Variants in HS6ST3 observed in about 807,000 individuals in gnomAD.
HS6ST3 encodes heparan sulfate 6-O-sulfotransferase 3, also known as heparan-sulfate 6-O-sulfotransferase 3.
In HS6ST3, 12 loss-of-function variants were observed where a neutral mutation model predicts 36.7. That is an observed-to-expected ratio of 0.33 (90% confidence interval 0.21 to 0.53). The LOEUF (loss-of-function observed/expected upper bound fraction) is 0.53. Among genes scored for constraint, HS6ST3 ranks in the 20% least tolerant of loss-of-function variants. The pLI, the probability that HS6ST3 is intolerant of heterozygous loss-of-function variation, is 0.95. For synonymous variants in HS6ST3, 240 were observed against 257.5 expected (o/e 0.93, Z 0.65); for missense variants, 584 against 640.9 (o/e 0.91, Z 0.96).
At chr13:96,586,223 T>A (rs113329944) in intron 1 of HS6ST3, among the ~76,000 whole-genome samples, 8 of 152,156 alleles carry the variant, frequency 5.3e-5, no homozygotes, top group Non-Finnish European at 1.0e-4. Context: ...TAAAAAGATA[T>A]CTTATTATGG....
intron 1 of HS6ST3, among the ~76,000 whole-genome samples, chr13:96,516,427 T>G (rs1413890461): frequency 6.6e-6 from 1 of 152,184 alleles, no homozygotes; most frequent in Non-Finnish European, 1.5e-5. Flanking sequence ...CATCTCTATA[T>G]TCACACATAT....
At position 96,839,007 on chromosome 13, in the gene HS6ST3, A is replaced by G. The variant is rs1442658529; in HGVS notation, c.*5809A>G. Reference sequence around the variant, plus strand: ...CCAAGATGTCTGTGGAAAGGATTGCAACTGTCATCCTTTGGCACACTCAGT... The same window carrying G: ...CCAAGATGTCTGTGGAAAGGATTGCGACTGTCATCCTTTGGCACACTCAGT... On this transcript the variant is annotated 3_prime_UTR_variant, in exon 2 of 2. Transcript: ENST00000376705. 1 of 152,216 alleles carries G rather than the reference A, an allele frequency of 6.6e-6. No homozygotes were observed. The highest frequency in any genetic ancestry group is 6.5e-5 in the Admixed American group (1 of 15,286). 9.4% of individuals were successfully genotyped at this position (152,216 alleles called of 1,614,324 possible).
At position 96,837,502 on chromosome 13, in the gene HS6ST3, C is replaced by G. The variant is rs1310521913; in HGVS notation, c.*4304C>G. 6.6e-6 allele frequency: 1 copy of G among 152,190 alleles called. No individual in the cohort carries two copies. Among genetic ancestry groups the G allele is most frequent in the Non-Finnish European group, 1.5e-5 (1 of 68,046 alleles). 9.4% of individuals were successfully genotyped at this position (152,190 alleles called of 1,614,324 possible). A position where few individuals can be genotyped will look rare whatever the true frequency, so the allele number is the denominator to read the frequency against. ...TCATAGTCTTTCCGACTACTTTATG[C>G]AGCTCAGCATCAGTACTGGGATTGG... On this transcript the variant is annotated 3_prime_UTR_variant, in exon 2 of 2. Coordinates refer to ENST00000376705, the MANE Select transcript of HS6ST3 (RefSeq NM_153456.4).
intron 1 of HS6ST3, among the ~76,000 whole-genome samples, chr13:96,676,806 C>G (rs912944859): frequency 6.6e-6 from 1 of 152,148 alleles, no homozygotes; most frequent in African/African-American, 2.4e-5. Context: ...TCTGTAAGAT[C>G]CATTACTCTG....
chr13:96,234,219 G>T (rs1181677653), intron 1 of HS6ST3, among the ~76,000 whole-genome samples: 2 of 151,928 alleles, frequency 1.3e-5, no homozygotes, highest in East Asian at 1.9e-4. Flanking sequence ...AGACCAGCCT[G>T]GCCAACATGG....
chr13:96,503,316 G>A (rs2056013024), intron 1 of HS6ST3, among the ~76,000 whole-genome samples: 1 of 152,138 alleles, frequency 6.6e-6, no homozygotes, highest in Non-Finnish European at 1.5e-5. Flanking sequence ...ACCCATTGGT[G>A]AGCAACTGCC....
At chr13:96,420,278 A>G (rs555369618) in intron 1 of HS6ST3, among the ~76,000 whole-genome samples, 8 of 152,110 alleles carry the variant, frequency 5.3e-5, no homozygotes, top group Non-Finnish European at 1.0e-4. Flanking sequence ...ACATCTTTGA[A>G]GAAAAAAAGT....
chr13:96,829,923 C>A (rs1878738454), intron 1 of HS6ST3, among the ~76,000 whole-genome samples: 1 of 152,056 alleles, frequency 6.6e-6, no homozygotes, highest in South Asian at 2.1e-4. Context: ...AATCAGACAT[C>A]CTTTGATTTA....
chr13:96,500,301 A>T (rs2055997833), intron 1 of HS6ST3, among the ~76,000 whole-genome samples: 1 of 152,096 alleles, frequency 6.6e-6, no homozygotes, highest in African/African-American at 2.4e-5. Context: ...TGTGGTAAGG[A>T]TATACCATAA....
intron 1 of HS6ST3, among the ~76,000 whole-genome samples, chr13:96,685,413 T>C (rs1183865362): frequency 1.3e-5 from 2 of 152,114 alleles, no homozygotes; most frequent in Non-Finnish European, 2.9e-5. Context: ...TGTATTGTAT[T>C]TTGTTGCTTT....
chr13:96,558,170 T>C (rs1316829075), intron 1 of HS6ST3, among the ~76,000 whole-genome samples: 1 of 152,218 alleles, frequency 6.6e-6, no homozygotes, highest in Non-Finnish European at 1.5e-5. Flanking sequence ...AATAAATGTG[T>C]CATCCAAACA....
At chr13:96,286,431 C>T (rs981244444) in intron 1 of HS6ST3, among the ~76,000 whole-genome samples, 16 of 152,066 alleles carry the variant, frequency 1.1e-4, no homozygotes, top group African/African-American at 3.9e-4. Flanking sequence ...TAATGTTTAA[C>T]ATCCTGTAAA....
At chr13:96,724,523 G>T (rs1875950129) in intron 1 of HS6ST3, among the ~76,000 whole-genome samples, 1 of 152,026 alleles carries the variant, frequency 6.6e-6, no homozygotes, top group African/African-American at 2.4e-5. Flanking sequence ...TCTTCTGTTG[G>T]CTCCCCACTC....
At chr13:96,245,204 C>T (rs1371534940) in intron 1 of HS6ST3, among the ~76,000 whole-genome samples, 1 of 152,102 alleles carries the variant, frequency 6.6e-6, no homozygotes, top group Non-Finnish European at 1.5e-5. Context: ...GAGCTGGTCC[C>T]TCTGTCATCA....
chr13:96,790,994 T>C (rs1211296339), intron 1 of HS6ST3, among the ~76,000 whole-genome samples: 1 of 152,104 alleles, frequency 6.6e-6, no homozygotes, highest in Non-Finnish European at 1.5e-5. Context: ...TTGTTAGTCC[T>C]GAATTAGTGT....
At chr13:96,371,476 G>A (rs986541677) in intron 1 of HS6ST3, among the ~76,000 whole-genome samples, 7 of 152,104 alleles carry the variant, frequency 4.6e-5, no homozygotes, top group Admixed American at 3.9e-4. Context: ...TGTATGTGAT[G>A]AGCCTACTTA....
At chr13:96,701,479 T>C (rs553032366) in intron 1 of HS6ST3, among the ~76,000 whole-genome samples, 111 of 152,220 alleles carry the variant, frequency 7.3e-4, no homozygotes, top group Non-Finnish European at 1.3e-3. Context: ...TTGCCTTCAT[T>C]TTTTTTCTCA....
chr13:96,424,714 G>A (rs976558741), intron 1 of HS6ST3, among the ~76,000 whole-genome samples: 3 of 152,158 alleles, frequency 2.0e-5, no homozygotes, highest in African/African-American at 7.2e-5. Flanking sequence ...TCCCATTCAT[G>A]AGGGATCTGC....
intron 1 of HS6ST3, among the ~76,000 whole-genome samples, chr13:96,405,377 C>T (rs969921806): frequency 9.2e-5 from 14 of 152,028 alleles, no homozygotes; most frequent in African/African-American, 3.1e-4. Flanking sequence ...TATGAATATA[C>T]TGCTACATAT....
Sources: gnomAD v4.1 joint callset for allele counts (sites outside exome capture counted in the v4.1 genomes callset) on GRCh38, gnomAD v4.1.1 for gene constraint, MANE v1.5 for transcripts, NCBI Gene and HGNC (gene_info 2026-07-23, HGNC 2026-07-21) for gene names.